The following EYS variants were observed in gnomAD, a reference collection of about 807,000 sequenced individuals.
EYS encodes the protein EGF-like photoreceptor maintenance factor, also known as protein eyes shut homolog.
Under a neutral mutation model 282.1 loss-of-function variants are expected in EYS, and 250 were observed. The observed-to-expected ratio is 0.89, with a 90% CI of 0.80 to 0.98. The LOEUF (loss-of-function observed/expected upper bound fraction) is 0.98. Ranked by LOEUF, EYS falls within the 50% of genes least tolerant of loss-of-function variation. The pLI is 0.00. For synonymous variants in EYS, 1,355 were observed against 1,282.9 expected (o/e 1.06, Z -1.20); for missense variants, 4,016 against 3,709.0 (o/e 1.08, Z -2.15).
At chr6:63,740,675 T>TCCAG (rs753109461) in intron 41 of EYS, among the ~76,000 whole-genome samples, 7 of 152,232 alleles carry the variant, frequency 4.6e-5, no homozygotes, top group Non-Finnish European at 1.0e-4. Context: ...AAGAAATATT[T>TCCAG]AGAATGGATT....
At chr6:63,937,614 C>T (rs1269202223) in intron 35 of EYS, among the ~76,000 whole-genome samples, 2 of 151,630 alleles carry the variant, frequency 1.3e-5, no homozygotes, top group Non-Finnish European at 2.9e-5. Flanking sequence ...ATCTCCTGAC[C>T]TCGTGATCCG....
At chr6:65,038,281 A>C (rs770394759) in intron 13 of EYS, among the ~76,000 whole-genome samples, 1 of 151,292 alleles carries the variant, frequency 6.6e-6, no homozygotes, top group Non-Finnish European at 1.5e-5. Context: ...CCCAATCAAC[A>C]CTGTTACTTG....
chr6:65,237,274 G>A (rs911170699), intron 12 of EYS, among the ~76,000 whole-genome samples: 2 of 151,962 alleles, frequency 1.3e-5, no homozygotes, highest in Non-Finnish European at 2.9e-5. Flanking sequence ...ACAAGTCAGG[G>A]GCCTCTTATA....
At chr6:64,801,730 A>AAAATC (rs1246814997) in intron 22 of EYS, among the ~76,000 whole-genome samples, 2 of 152,288 alleles carry the variant, frequency 1.3e-5, no homozygotes, top group Admixed American at 1.3e-4. Context: ...AAGAAAAGAC[A>AAAATC]AAATCATACC....
chr6:64,227,487 C>A (rs1273971767), intron 31 of EYS, among the ~76,000 whole-genome samples: 1 of 151,932 alleles, frequency 6.6e-6, no homozygotes, highest in Admixed American at 6.6e-5. Context: ...AATGTGAAAT[C>A]TGGATTCAGC....
At chr6:65,512,505 A>G (rs2127290457) in intron 2 of EYS, among the ~76,000 whole-genome samples, 1 of 151,814 alleles carries the variant, frequency 6.6e-6, no homozygotes, top group East Asian at 1.9e-4. Flanking sequence ...AAAAAAAAAA[A>G]AAAAAAAATT....
chr6:65,152,174 G>A (rs868657742), intron 12 of EYS, among the ~76,000 whole-genome samples: 2 of 151,930 alleles, frequency 1.3e-5, no homozygotes, highest in Non-Finnish European at 2.9e-5. Context: ...CTAGGACAAA[G>A]AAAATGATTG....
chr6:65,658,940 G>T lies in EYS; in HGVS notation c.-447-19048C>A, dbSNP rs1048629324. On this transcript the variant is annotated intron_variant, in intron 1 of 42. Coordinates refer to ENST00000503581, the MANE Select transcript of EYS (RefSeq NM_001142800.2). ...TTTTTTTTCTTTTTTTTAATGAAAGGTCTAGAAGGTTTGTTTAGCTTTATT... is the reference window on the plus strand; with the variant it reads ...TTTTTTTTCTTTTTTTTAATGAAAGTTCTAGAAGGTTTGTTTAGCTTTATT... 2.6e-5 allele frequency among the ~76,000 whole-genome samples: 4 copies of T among 151,256 alleles called. No homozygotes were observed. In the East Asian group the frequency reaches 5.8e-4, roughly 22 times the overall value.
At chr6:65,534,237 T>C (rs1195178152) in intron 2 of EYS, among the ~76,000 whole-genome samples, 1 of 152,122 alleles carries the variant, frequency 6.6e-6, no homozygotes, top group East Asian at 1.9e-4. Context: ...CTGCGTGCTA[T>C]CTAGATTTTT....
chr6:65,391,874 G>A (rs1409478738), intron 7 of EYS, among the ~76,000 whole-genome samples: 1 of 152,104 alleles, frequency 6.6e-6, no homozygotes, highest in East Asian at 1.9e-4. Context: ...TCAATCCTAA[G>A]CCAAAAGAAC....
intron 13 of EYS, among the ~76,000 whole-genome samples, chr6:65,048,911 A>G (rs1424140462): frequency 6.6e-6 from 1 of 151,830 alleles, no homozygotes; most frequent in Non-Finnish European, 1.5e-5. Context: ...CCATACCTCT[A>G]CAATAGACCA....
chr6:65,087,664 C>T (rs1186071732), intron 12 of EYS, among the ~76,000 whole-genome samples: 1 of 152,120 alleles, frequency 6.6e-6, no homozygotes. Flanking sequence ...AGAATACACA[C>T]TAAACCCCTC....
At chr6:65,254,895 G>A (rs990269528) in intron 12 of EYS, among the ~76,000 whole-genome samples, 1 of 151,702 alleles carries the variant, frequency 6.6e-6, no homozygotes, top group African/African-American at 2.4e-5. Context: ...AAATAAACAT[G>A]AATTTACACA....
At chr6:64,503,322 A>G (rs1777111348) in intron 26 of EYS, among the ~76,000 whole-genome samples, 1 of 151,510 alleles carries the variant, frequency 6.6e-6, no homozygotes, top group African/African-American at 2.4e-5. Context: ...GATTTGAAGG[A>G]AAAAAAAATC....
At chr6:64,197,007 T>C (rs539636289) in intron 31 of EYS, among the ~76,000 whole-genome samples, 1 of 152,286 alleles carries the variant, frequency 6.6e-6, no homozygotes, top group East Asian at 1.9e-4. Flanking sequence ...TTTAAGTGTT[T>C]GCTGCTGTAG....
chr6:64,049,164 T>C (rs1770725863), intron 33 of EYS, among the ~76,000 whole-genome samples: 1 of 152,164 alleles, frequency 6.6e-6, no homozygotes, highest in Non-Finnish European at 1.5e-5. Flanking sequence ...CCCCAATATT[T>C]TATTGTCAAA....
chr6:64,670,383 T>C (rs1769408343), intron 22 of EYS, among the ~76,000 whole-genome samples: 1 of 150,146 alleles, frequency 6.7e-6, no homozygotes, highest in African/African-American at 2.5e-5. Flanking sequence ...TTTTTTACTT[T>C]AACAATATGA....
At chr6:64,479,055 A>C (rs1011978341) in intron 26 of EYS, among the ~76,000 whole-genome samples, 1 of 151,976 alleles carries the variant, frequency 6.6e-6, no homozygotes, top group Non-Finnish European at 1.5e-5. Flanking sequence ...CACAATGTTT[A>C]ACATTTTTCT....
At chr6:64,995,722 CG>C (rs757565934) in intron 14 of EYS, among the ~76,000 whole-genome samples, 1 of 149,266 alleles carries the variant, frequency 6.7e-6, no homozygotes, top group Non-Finnish European at 1.5e-5. Context: ...GCTTCCCCCC[CG>C]CCCCATATTC....
Sources: gnomAD v4.1 joint callset for allele counts (sites outside exome capture counted in the v4.1 genomes callset) on GRCh38, gnomAD v4.1.1 for gene constraint, MANE v1.5 for transcripts, NCBI Gene and HGNC (gene_info 2026-07-23, HGNC 2026-07-21) for gene names.